The following UBA6 variants were observed in gnomAD, a reference collection of about 807,000 sequenced individuals.
UBA6 encodes ubiquitin like modifier activating enzyme 6.
Under a neutral mutation model 148.3 loss-of-function variants are expected in UBA6, and 87 were observed. The observed-to-expected ratio is 0.59, with a 90% CI of 0.49 to 0.70. The LOEUF is 0.70. UBA6 is among the 30% of genes least tolerant of loss of function. The pLI is 0.00. For missense variants in UBA6, 1,186 were observed against 1,241.2 expected (o/e 0.96, Z 0.67); for synonymous variants, 376 against 401.0 (o/e 0.94, Z 0.75).
At chr4:67,644,890 G>T in intron 16 of UBA6, 112 bp from the exon 17 acceptor site, 1 of 539,532 alleles carries the variant, frequency 1.9e-6, no homozygotes, top group Admixed American at 3.3e-5. Flanking sequence ...AAAAAAAAAA[G>T]TATAAACCAA....
chr4:67,679,449 A>C (rs1228814632), intron 4 of UBA6, among the ~76,000 whole-genome samples: 1 of 152,132 alleles, frequency 6.6e-6, no homozygotes, highest in African/African-American at 2.4e-5. Flanking sequence ...AAACAAATAC[A>C]TGGACTAAAC....
intron 20 of UBA6, among the ~76,000 whole-genome samples, chr4:67,634,812 C>T (rs1359880719): frequency 6.6e-6 from 1 of 151,894 alleles, no homozygotes; most frequent in African/African-American, 2.4e-5. Context: ...TCATTTTTTT[C>T]CTCATGAATC....
intron 13 of UBA6, chr4:67,661,605 A>G (rs1228700695): frequency 6.6e-6 from 1 of 152,468 alleles, no homozygotes; most frequent in Non-Finnish European, 1.5e-5. Flanking sequence ...GAATGGACTA[A>G]TACAGTTCCC....
Position 67,639,132 on chromosome 4 carries a change from AATAAT to A in UBA6, c.1555-13_1555-9del. ...AGTGTAGCTTTTAGGTTTCTAAACA[AATAAT>A]ATAAGCAGAAGGAATATGTTAAACA... is the stretch of plus-strand genomic sequence containing the variant. On this transcript the variant is annotated splice_polypyrimidine_tract_variant and intron_variant, in intron 18 of 32. Coordinates refer to ENST00000322244, the MANE Select transcript of UBA6 (RefSeq NM_018227.6). The A allele has an allele frequency of 6.2e-7, 1 of 1,603,590 alleles. No homozygotes were observed. Among genetic ancestry groups the A allele is most frequent in the Non-Finnish European group, 8.5e-7 (1 of 1,175,792 alleles).
At chr4:67,691,660 T>C (rs536670026) in intron 2 of UBA6, among the ~76,000 whole-genome samples, 7 of 152,334 alleles carry the variant, frequency 4.6e-5, no homozygotes, top group South Asian at 2.1e-4. Flanking sequence ...ATGTTGCAAG[T>C]GCTCCCAAGA....
At chr4:67,662,478 T>G (rs1436049018) in intron 12 of UBA6, 1 of 421,338 alleles carries the variant, frequency 2.4e-6, no homozygotes, top group East Asian at 3.7e-5. Flanking sequence ...TTTTTGTTTT[T>G]TTTTTTTTGA....
chr4:67,639,025 T>G lies in UBA6; in HGVS notation c.1654A>C (p.Ile552Leu), dbSNP rs770248140. The change falls in exon 19 of 33, where the codon ATT becomes CTT. Residue 552 changes from isoleucine (I) to leucine (L), a missense_variant. By Grantham distance (5) the Ile-to-Leu change is conservative. Coordinates refer to ENST00000322244, the MANE Select transcript of UBA6 (RefSeq NM_018227.6). The stretch of plus-strand genomic sequence containing the variant: ...TTAGTATAGAACTCATCATTGTAAA[T>G]GGTCTCAGTGGTTGGACATACTTTG... ...LNKVCPTTET[I>L]YNDEFYTKQD... The G allele has an allele frequency of 6.2e-6, 10 of 1,612,672 alleles. No individual in the cohort carries two copies. The South Asian group carries it at 1.1e-4, about 18-fold the overall frequency.
At chr4:67,627,692 CTT>C (rs879365628) in intron 27 of UBA6, among the ~76,000 whole-genome samples, 1 of 143,060 alleles carries the variant, frequency 7.0e-6, no homozygotes. Flanking sequence ...CCCTACAAGT[CTT>C]TTTTTTTTTT....
chr4:67,659,795 G>T (rs1453205912), intron 13 of UBA6, among the ~76,000 whole-genome samples: 1 of 152,082 alleles, frequency 6.6e-6, no homozygotes, highest in Non-Finnish European at 1.5e-5. Flanking sequence ...CGTAAGAAAG[G>T]AAGATGTGGG....
chr4:67,634,466 G>C lies in UBA6; in HGVS notation c.1895C>G (p.Ala632Gly), dbSNP rs754463693. ...CCACTGTATGGTATGTTCAATAGCA[G>C]CTGGAAAGGATTTTAGAGTACAAAA... ...IPFCTLKSFP[A>G]AIEHTIQWAR... The change falls in exon 21 of 33, where the codon GCT (alanine) becomes GGT (glycine). Residue 632 changes from alanine (A) to glycine (G), a missense_variant. Ala to Gly is a moderately conservative substitution (Grantham distance 60, BLOSUM62 0). Coordinates refer to ENST00000322244, the MANE Select transcript of UBA6 (RefSeq NM_018227.6). 6.3e-7 allele frequency: 1 copy of C among 1,588,526 alleles called. No homozygotes were observed. Among genetic ancestry groups the C allele is most frequent in the Non-Finnish European group, 8.5e-7 (1 of 1,173,170 alleles).
chr4:67,626,294 G>A (rs1728865480), intron 28 of UBA6, 66 bp downstream of exon 28: 1 of 886,664 alleles, frequency 1.1e-6, no homozygotes, highest in African/African-American at 1.7e-5. Flanking sequence ...AAATTCTTAG[G>A]TGTAGAGCTT....
At chr4:67,659,650 G>GGAATA (rs368730151) in intron 13 of UBA6, among the ~76,000 whole-genome samples, 3 of 151,358 alleles carry the variant, frequency 2.0e-5, no homozygotes, top group African/African-American at 4.9e-5. Context: ...ATTTTATATA[G>GGAATA]CATATGCAGT....
intron 22 of UBA6, 123 bp downstream of exon 22, chr4:67,634,119 C>T: frequency 1.6e-6 from 1 of 608,596 alleles, no homozygotes; most frequent in Non-Finnish European, 2.7e-6. Context: ...CCTTATGTAT[C>T]ATTTCATTTT....
intron 14 of UBA6, 27 bp downstream of exon 14, chr4:67,649,041 A>T (rs941124961): frequency 2.4e-5 from 38 of 1,602,192 alleles, no homozygotes; most frequent in Non-Finnish European, 3.0e-5. Flanking sequence ...CGAGTAAAGA[A>T]TTCAACTTTA....
chr4:67,629,431 A>G (rs570895583), intron 26 of UBA6, among the ~76,000 whole-genome samples: 4 of 151,958 alleles, frequency 2.6e-5, no homozygotes, highest in Non-Finnish European at 5.9e-5. Context: ...GGTTGTAAAT[A>G]TAAAACTGAG....
At position 67,622,859 on chromosome 4, in the gene UBA6, G is replaced by A. The variant is rs1186811754; in HGVS notation, c.2995C>T (p.Pro999Ser). Residue 999 changes from proline to serine, a missense_variant, in exon 32 of 33, where the codon CCT becomes TCT. Pro to Ser is a moderately conservative substitution (Grantham distance 74). Transcript: ENST00000322244. ...GVKMLYVPVM[P>S]GHAKRLKLTM... ...AACTTCAATCTTTTTGCATGACCAG[G>A]CATTACAGGAACATAAAGCATTTTG... 6.2e-7 allele frequency: 1 copy of A among 1,612,420 alleles called. No individual in the cohort carries two copies. The highest frequency in any genetic ancestry group is 1.1e-5 in the South Asian group (1 of 90,746).
chr4:67,694,255 A>C (rs1386603160), intron 2 of UBA6, among the ~76,000 whole-genome samples: 3 of 146,376 alleles, frequency 2.0e-5, no homozygotes, highest in Non-Finnish European at 4.5e-5. Context: ...GAAAAAATAC[A>C]AAACTACCAA....
chr4:67,683,517 T>C (rs901442335), intron 2 of UBA6, among the ~76,000 whole-genome samples: 2 of 152,142 alleles, frequency 1.3e-5, no homozygotes, highest in Admixed American at 1.3e-4. Context: ...CAGCTTTGAA[T>C]GCGGCCCAAT....
In UBA6 at chr4:67,662,202, G is replaced by A; in HGVS notation, c.1091C>T (p.Thr364Ile). 1 of 1,613,504 alleles carries A rather than the reference G, an allele frequency of 6.2e-7. No homozygotes were observed. Among genetic ancestry groups the A allele is most frequent in the Non-Finnish European group, 8.5e-7 (1 of 1,179,786 alleles). ...LLKLATSISETLEEKPDVNAD... is the reference protein window; with the variant it reads ...LLKLATSISEILEEKPDVNAD... ...TTCAATAGTCACCTTCTCTTCCAAGGTTTCACTTATAGATGTTGCTAGTTT... is the reference window on the plus strand; with the variant it reads ...TTCAATAGTCACCTTCTCTTCCAAGATTTCACTTATAGATGTTGCTAGTTT... The change falls in exon 13 of 33, where the codon ACC becomes ATC. Residue 364 changes from threonine (T) to isoleucine (I), a missense_variant. Thr to Ile is a moderately conservative substitution (Grantham distance 89). Transcript: ENST00000322244.
Sources: gnomAD v4.1 joint callset for allele counts (sites outside exome capture counted in the v4.1 genomes callset) on GRCh38, gnomAD v4.1.1 for gene constraint, MANE v1.5 for transcripts, NCBI Gene and HGNC (gene_info 2026-07-23, HGNC 2026-07-21) for gene names.